Variants in ELAPOR2 observed in about 807,000 individuals in gnomAD.
ELAPOR2 encodes endosome/lysosome-associated apoptosis and autophagy regulator family member 2.
ELAPOR2 carries 89 observed loss-of-function variants against 120.7 expected under a neutral mutation model. The ratio of observed to expected loss-of-function variants is 0.74; its 90% CI spans 0.62 to 0.88. The LOEUF (loss-of-function observed/expected upper bound fraction) is 0.88, where lower values mean the gene tolerates loss of function less well. Ranked by LOEUF, ELAPOR2 falls within the 40% of genes least tolerant of loss-of-function variation. The pLI is 0.00. For synonymous variants in ELAPOR2, 444 were observed against 444.9 expected (o/e 1.00, Z 0.03); for missense variants, 1,134 against 1,251.6 (o/e 0.91, Z 1.42).
chr7:87,042,451 G>A (rs1278118232), intron 1 of ELAPOR2, among the ~76,000 whole-genome samples: 2 of 151,042 alleles, frequency 1.3e-5, no homozygotes, highest in African/African-American at 2.5e-5. Flanking sequence ...CTCAGGATGA[G>A]AATCTCACTC....
intron 11 of ELAPOR2, 75 bp downstream of exon 11, chr7:86,919,145 G>A: frequency 1.0e-6 from 1 of 990,882 alleles, no homozygotes; most frequent in Non-Finnish European, 1.6e-6. Flanking sequence ...CCATAAAGTA[G>A]CCCTACTTCT....
chr7:86,943,473 C>T (rs1356563508), intron 4 of ELAPOR2, among the ~76,000 whole-genome samples: 1 of 151,944 alleles, frequency 6.6e-6, no homozygotes, highest in Non-Finnish European at 1.5e-5. Context: ...GAAGTTTTGA[C>T]CTTCTGAGTC....
intron 1 of ELAPOR2, 142 bp from the exon 2 acceptor site, chr7:86,965,166 C>T: frequency 1.3e-6 from 1 of 778,050 alleles, no homozygotes; most frequent in Non-Finnish European, 2.1e-6. Context: ...CCACACCAAG[C>T]AGCTTATTGA....
intron 10 of ELAPOR2, among the ~76,000 whole-genome samples, chr7:86,920,468 T>C (rs1252646364): frequency 3.9e-5 from 6 of 152,042 alleles, no homozygotes; most frequent in Non-Finnish European, 7.4e-5. Flanking sequence ...AGCAATTCTA[T>C]ACCAAGAAAG....
At chr7:86,887,332 A>C (rs1388315567) in intron 21 of ELAPOR2, among the ~76,000 whole-genome samples, 1 of 152,104 alleles carries the variant, frequency 6.6e-6, no homozygotes, top group Non-Finnish European at 1.5e-5. Context: ...ACAAGGGCAC[A>C]TATTTTTCTT....
intron 1 of ELAPOR2, among the ~76,000 whole-genome samples, chr7:86,965,423 CAA>C (rs1340768613): frequency 6.6e-6 from 1 of 152,108 alleles, no homozygotes; most frequent in African/African-American, 2.4e-5. Context: ...AAGAAAGAAA[CAA>C]GAGAACTACT....
At chr7:87,036,249 T>C (rs1346181719) in intron 1 of ELAPOR2, among the ~76,000 whole-genome samples, 1 of 152,116 alleles carries the variant, frequency 6.6e-6, no homozygotes, top group Non-Finnish European at 1.5e-5. Context: ...TGAGGTGGGA[T>C]GATTACTTGA....
chr7:87,037,255 T>A (rs1341924416), intron 1 of ELAPOR2, among the ~76,000 whole-genome samples: 1 of 152,150 alleles, frequency 6.6e-6, no homozygotes, highest in African/African-American at 2.4e-5. Flanking sequence ...GCTGCACTCC[T>A]GTACATCCAC....
chr7:86,999,605 G>A (rs1793243187), intron 1 of ELAPOR2, among the ~76,000 whole-genome samples: 1 of 152,130 alleles, frequency 6.6e-6, no homozygotes. Context: ...ACAGCTTCTG[G>A]AGGCAGCATA....
chr7:87,047,919 C>T (rs897717849), intron 1 of ELAPOR2, among the ~76,000 whole-genome samples: 2 of 152,138 alleles, frequency 1.3e-5, no homozygotes, highest in African/African-American at 2.4e-5. Context: ...TTGGAAACAA[C>T]CTAAGTGTCC....
In ELAPOR2 at chr7:86,913,002, A is replaced by C; in HGVS notation, c.1934T>G (p.Ile645Arg). The part of the protein sequence containing the change: ...KECPPDTYLS[I>R]HQVYGKEACI... Reference sequence around the variant, plus strand: ...AGCCTCTTTGCCATAGACCTGATGTATGGACAGGTAGGTGTCAGGTGGACA... The same window carrying C: ...AGCCTCTTTGCCATAGACCTGATGTCTGGACAGGTAGGTGTCAGGTGGACA... Residue 645 changes from isoleucine (I) to arginine (R), a missense_variant, in exon 14 of 22, where the codon ATA (isoleucine) becomes AGA (arginine). Physicochemically the swap from Ile to Arg is moderately conservative, Grantham distance 97. Around this residue, in one of 3 missense-constraint regions of ELAPOR2, gnomAD observed 831 missense variants for 867.6 expected, o/e 0.96. Coordinates refer to ENST00000450689, the MANE Select transcript of ELAPOR2 (RefSeq NM_001142749.3). The C allele has an allele frequency of 6.2e-7, 1 of 1,614,034 alleles. No individual in the cohort carries two copies. Among genetic ancestry groups the C allele is most frequent in the Non-Finnish European group, 8.5e-7 (1 of 1,179,938 alleles).
rs374628140 is a variant in ELAPOR2, at chr7:86,912,055, T to C, written c.2169+17A>G. ...GCTGAAATATAGGTCCATCTCACCT[T>C]GACAGCCAGAACTCACCTCATGCCC... On this transcript the variant is annotated intron_variant, in intron 15 of 21. Coordinates refer to ENST00000450689, the MANE Select transcript of ELAPOR2 (RefSeq NM_001142749.3). 1.3e-5 allele frequency: 21 copies of C among 1,591,960 alleles called. No individual in the cohort carries two copies. Among genetic ancestry groups the C allele is most frequent in the Admixed American group, 5.1e-5 (3 of 59,190 alleles).
At chr7:86,975,041 C>T (rs1049331600) in intron 1 of ELAPOR2, among the ~76,000 whole-genome samples, 15 of 152,216 alleles carry the variant, frequency 9.9e-5, no homozygotes, top group Admixed American at 3.3e-4. Flanking sequence ...GATTCTGCTA[C>T]AGAGTGGATA....
At position 86,891,767 on chromosome 7, in the gene ELAPOR2, T is replaced by C. The variant is rs929551982; in HGVS notation, c.2987A>G (p.Asn996Ser). ...EDNEEEVVYS[N>S]KQSLLGKLKS... Reference sequence around the variant, plus strand: ...GAGTTTTCCTAGTAGTGACTGTTTATTGGAATATACAACTTCCTCTTCATT... The same window carrying C: ...GAGTTTTCCTAGTAGTGACTGTTTACTGGAATATACAACTTCCTCTTCATT... Residue 996 changes from asparagine (N) to serine (S), a missense_variant, in exon 21 of 22, where the codon AAT (asparagine) becomes AGT (serine). Physicochemically the swap from Asn to Ser is conservative, Grantham distance 46. Coordinates refer to ENST00000450689, the MANE Select transcript of ELAPOR2 (RefSeq NM_001142749.3). The C allele has an allele frequency of 1.2e-5, 19 of 1,612,064 alleles. No homozygotes were observed. The highest frequency in any genetic ancestry group is 1.5e-5 in the Non-Finnish European group (18 of 1,178,886).
intron 12 of ELAPOR2, 76 bp from the exon 13 acceptor site, chr7:86,914,936 T>C (rs1181334307): frequency 8.1e-6 from 9 of 1,106,914 alleles, no homozygotes; most frequent in Admixed American, 2.5e-5. Flanking sequence ...ATATTACAAA[T>C]GTATTCATAT....
At chr7:86,990,422 G>C (rs1583959801) in intron 1 of ELAPOR2, among the ~76,000 whole-genome samples, 1 of 152,238 alleles carries the variant, frequency 6.6e-6, no homozygotes, top group South Asian at 2.1e-4. Context: ...ACCTGAGTGA[G>C]CATGTTGGCA....
chr7:87,021,473 T>C (rs915370805), intron 1 of ELAPOR2, among the ~76,000 whole-genome samples: 2 of 152,178 alleles, frequency 1.3e-5, no homozygotes, highest in Admixed American at 6.6e-5. Flanking sequence ...ATCCATATCA[T>C]AAGGAAACAA....
chr7:87,020,903 G>T (rs927379889), intron 1 of ELAPOR2, among the ~76,000 whole-genome samples: 1 of 152,052 alleles, frequency 6.6e-6, no homozygotes, highest in African/African-American at 2.4e-5. Context: ...AGGTATGCTA[G>T]TGTGTCTGTT....
intron 1 of ELAPOR2, among the ~76,000 whole-genome samples, chr7:86,987,895 C>G (rs969013991): frequency 1.4e-4 from 21 of 152,116 alleles, no homozygotes; most frequent in African/African-American, 4.8e-4. Context: ...GATATATGCA[C>G]ACTTATGTTT....
Sources: gnomAD v4.1 joint callset for allele counts (sites outside exome capture counted in the v4.1 genomes callset) on GRCh38, gnomAD v4.1.1 for gene constraint, gnomAD v4.1.1 regional missense constraint, MANE v1.5 for transcripts, NCBI Gene and HGNC (gene_info 2026-07-23, HGNC 2026-07-21) for gene names.